CHERP: variants seen among roughly 807,000 people sequenced by gnomAD.
The protein encoded by CHERP is calcium homeostasis endoplasmic reticulum protein.
Under a neutral mutation model 113.8 loss-of-function variants are expected in CHERP, and 8 were observed. The observed-to-expected ratio is 0.07, with a 90% CI of 0.04 to 0.13. The LOEUF is 0.13. CHERP is among the 10% of genes least tolerant of loss of function. The pLI is 1.00. For missense variants in CHERP, 884 were observed against 1,298.2 expected, an observed-to-expected ratio of 0.68 and a Z score of 4.90; for synonymous variants, 559 against 524.5, an observed-to-expected ratio of 1.07 and a Z score of -0.90.
Position 16,525,492 on chromosome 19 carries a change from G to A in CHERP, c.1491C>T (p.Asn497=), listed in dbSNP as rs1299722271. The change falls in exon 10 of 17, where the codon AAC becomes AAT. Residue 497 remains asparagine (N), a synonymous_variant. Coordinates refer to ENST00000546361, the MANE Select transcript of CHERP (RefSeq NM_006387.6). This position sits in a 1 kb window ranked among gnomAD's most constrained non-coding sequence, Gnocchi z 6.5. ...CCCAGGGCGGCTGCTCGTGCTGGCT[G>A]TTCCAGGGGCCCTCGAACTGGCTGT... The part of the protein sequence containing the change: ...AWNSQFEGPW[N]SQHEQPPWGG... 1.2e-5 allele frequency: 18 copies of A among 1,553,748 alleles called. No individual in the cohort carries two copies. Among genetic ancestry groups the A allele is most frequent in the Non-Finnish European group, 1.5e-5 (17 of 1,150,752 alleles).
intron 12 of CHERP, chr19:16,521,139 C>T (rs1054448911): frequency 1.7e-6 from 1 of 599,258 alleles, no homozygotes; most frequent in Admixed American, 2.8e-5. Context: ...TGCTGTTCCG[C>T]TGAGGTGGTG....
At chr19:16,538,725 G>C (rs1321280375) in intron 2 of CHERP, among the ~76,000 whole-genome samples, 1 of 151,912 alleles carries the variant, frequency 6.6e-6, no homozygotes, top group Non-Finnish European at 1.5e-5. Context: ...ATCTTCCTGG[G>C]CTATAAGCAT....
At chr19:16,529,026 G>T (rs1258586821) in intron 8 of CHERP, among the ~76,000 whole-genome samples, 1 of 152,184 alleles carries the variant, frequency 6.6e-6, no homozygotes, top group African/African-American at 2.4e-5. Flanking sequence ...GTCTTTTTCA[G>T]AAGTGACACT....
chr19:16,537,220 G>GC (rs149620352), intron 2 of CHERP, among the ~76,000 whole-genome samples: 7,617 of 143,820 alleles, frequency 0.053, 267 homozygotes, highest in Middle Eastern at 0.068. Context: ...ACTCAACTCA[G>GC]CCCCCCGGGC....
Position 16,521,595 on chromosome 19 carries a change from C to A in CHERP, c.2040G>T (p.Met680Ile). The change falls in exon 12 of 17, where the codon ATG (methionine) becomes ATT (isoleucine). Residue 680 changes from methionine to isoleucine, a missense_variant. By Grantham distance (10) the Met-to-Ile change is conservative. Around this residue, in one of 8 missense-constraint regions of CHERP, gnomAD observed 464 missense variants for 590.1 expected, o/e 0.79. Transcript: ENST00000546361. Reference protein sequence around the residue: ...DPKDIRLPPPMPPSERLLAAV... With the variant: ...DPKDIRLPPPIPPSERLLAAV... ...CAGCCAGCAGCCTCTCGCTGGGCGGCATGGGGGGTGGGAGGCGGATGTCTT... is the reference window on the plus strand; with the variant it reads ...CAGCCAGCAGCCTCTCGCTGGGCGGAATGGGGGGTGGGAGGCGGATGTCTT... The A allele has an allele frequency of 6.2e-7, 1 of 1,609,394 alleles. No individual in the cohort carries two copies. The highest frequency in any genetic ancestry group is 8.5e-7 in the Non-Finnish European group (1 of 1,178,110).
intron 5 of CHERP, chr19:16,531,964 G>GT (rs201127468): frequency 0.012 from 1,662 of 137,804 alleles, 32 homozygotes; most frequent in African/African-American, 0.042. Flanking sequence ...GGGTTCTATT[G>GT]TTTTTTTTTT....
At chr19:16,540,122 G>A (rs2085768419) in intron 2 of CHERP, 1 of 152,640 alleles carries the variant, frequency 6.6e-6, no homozygotes, top group African/African-American at 2.4e-5. Context: ...AGAGTGCAGT[G>A]GCACGATCTT....
Position 16,535,424 on chromosome 19 carries a change from T to C in CHERP, c.384+28A>G, listed in dbSNP as rs957346350. On this transcript the variant is annotated intron_variant, in intron 3 of 16. Transcript: ENST00000546361. This position sits in a 1 kb window ranked among gnomAD's most constrained non-coding sequence, Gnocchi z 4.3. Reference sequence around the variant, plus strand: ...CAGAGGCACAGGGGAGCTGCTGGTGTCTGGCCGAGGAGGCGGCGGGCCCAT... The same window carrying C: ...CAGAGGCACAGGGGAGCTGCTGGTGCCTGGCCGAGGAGGCGGCGGGCCCAT... 1 of 1,598,636 alleles carries C rather than the reference T, an allele frequency of 6.3e-7. No individual in the cohort carries two copies. Among genetic ancestry groups the C allele is most frequent in the African/African-American group, 1.3e-5 (1 of 74,662 alleles).
chr19:16,521,240 T>TG (rs1421423235), intron 12 of CHERP: 2 of 568,230 alleles, frequency 3.5e-6, no homozygotes, highest in Non-Finnish European at 6.3e-6. Flanking sequence ...GGGTGACCAC[T>TG]GGGAAGGGTG....
At position 16,518,963 on chromosome 19, in the gene CHERP, G is replaced by A; in HGVS notation, c.*196C>T. 1.7e-6 allele frequency: 1 copy of A among 600,702 alleles called. No individual in the cohort carries two copies. The highest frequency in any genetic ancestry group is 2.9e-6 in the Non-Finnish European group (1 of 347,908). 37.2% of individuals were successfully genotyped at this position (600,702 alleles called of 1,614,324 possible). On this transcript the variant is annotated 3_prime_UTR_variant, in exon 17 of 17. Transcript: ENST00000546361. ...GCGCCTCCTGGTGTGGTTTGTGGGTGGCACCCGTGCCCTCCACGCCATGGA... is the reference window on the plus strand; with the variant it reads ...GCGCCTCCTGGTGTGGTTTGTGGGTAGCACCCGTGCCCTCCACGCCATGGA...
chr19:16,534,633 G>A (rs1013320554), intron 3 of CHERP, among the ~76,000 whole-genome samples: 2 of 150,022 alleles, frequency 1.3e-5, no homozygotes, highest in African/African-American at 2.5e-5. Context: ...GCACCACCAC[G>A]CCCAGCTAAT....
Position 16,525,465 on chromosome 19 carries a change from G to T in CHERP, c.1518C>A (p.Gly506=). 6.5e-7 allele frequency: 1 copy of T among 1,549,636 alleles called. No individual in the cohort carries two copies. Among genetic ancestry groups the T allele is most frequent in the South Asian group, 1.2e-5 (1 of 83,994 alleles). Residue 506 remains glycine (G), a synonymous_variant, in exon 10 of 17, where the codon GGC becomes GGA. Transcript: ENST00000546361. The surrounding 1 kb of genome is among the most constrained non-coding windows in gnomAD (Gnocchi z 6.5). ...GGAAGGGTGGCTCGCGCTGGCCCCCGCCCCAGGGCGGCTGCTCGTGCTGGC... is the reference window on the plus strand; with the variant it reads ...GGAAGGGTGGCTCGCGCTGGCCCCCTCCCCAGGGCGGCTGCTCGTGCTGGC... ...WNSQHEQPPW[G]GGQREPPFRM...
chr19:16,537,190 A>G (rs1340437802), intron 2 of CHERP, among the ~76,000 whole-genome samples: 1 of 101,448 alleles, frequency 9.9e-6, no homozygotes, highest in Non-Finnish European at 2.2e-5. Flanking sequence ...TCCTTCCCCC[A>G]GGCAGCTGAG....
chr19:16,521,174 G>T, intron 12 of CHERP: 1 of 585,188 alleles, frequency 1.7e-6, no homozygotes, highest in Non-Finnish European at 3.1e-6. Context: ...GTGGAACTGG[G>T]AAACAGGAAC....
chr19:16,532,282 G>A lies in CHERP; in HGVS notation c.674+316C>T, dbSNP rs536741381. 2.5e-4 allele frequency: 76 copies of A among 300,462 alleles called. No homozygotes were observed. The highest frequency in any genetic ancestry group is 2.9e-4 in the Non-Finnish European group (46 of 159,636). The allele number at this position is 300,462 out of a possible 1,614,324, so 18.6% of individuals were successfully genotyped here. Reference sequence around the variant, plus strand: ...GTGGCTGAGAAGGCAACAAGGAGACGCCAAGAAGCTGCCCCATGAGAGGAA... The same window carrying A: ...GTGGCTGAGAAGGCAACAAGGAGACACCAAGAAGCTGCCCCATGAGAGGAA... On this transcript the variant is annotated intron_variant, in intron 5 of 16. Coordinates refer to ENST00000546361, the MANE Select transcript of CHERP (RefSeq NM_006387.6). The surrounding 1 kb of genome is among the most constrained non-coding windows in gnomAD (Gnocchi z 4.4).
chr19:16,520,388 C>G lies in CHERP; in HGVS notation c.2321G>C (p.Arg774Pro). 6.2e-7 allele frequency: 1 copy of G among 1,614,028 alleles called. No individual in the cohort carries two copies. The change falls in exon 14 of 17, where the codon CGT becomes CCT. Residue 774 changes from arginine (R) to proline (P), a missense_variant. By Grantham distance (103) the Arg-to-Pro change is moderately radical. Around this residue, in one of 8 missense-constraint regions of CHERP, gnomAD observed 159 missense variants for 185.8 expected, o/e 0.86. Coordinates refer to ENST00000546361, the MANE Select transcript of CHERP (RefSeq NM_006387.6). The surrounding 1 kb of genome is among the most constrained non-coding windows in gnomAD (Gnocchi z 4.0). ...CCTAGATCTGGAGCGGGAGTAGGAA[C>G]GGGAGCAGGAGCGCGACCTTGACCT... Reference protein sequence around the residue: ...YSRSRSRSCSRSYSRSRSRSR... With the variant: ...YSRSRSRSCSPSYSRSRSRSR...
At chr19:16,540,899 T>C (rs753131449) in intron 2 of CHERP, among the ~76,000 whole-genome samples, 1 of 152,018 alleles carries the variant, frequency 6.6e-6, no homozygotes, top group Non-Finnish European at 1.5e-5. Context: ...GGTTTCACTA[T>C]GTTGGCCAGG....
At position 16,525,821 on chromosome 19, in the gene CHERP, C is replaced by CGTAGGATG; in HGVS notation, c.1306-145_1306-144insCATCCTAC. 1.4e-6 allele frequency: 1 copy of CGTAGGATG among 701,524 alleles called. No homozygotes were observed. The highest frequency in any genetic ancestry group is 3.2e-5 in the East Asian group (1 of 31,042). 43.5% of individuals were successfully genotyped at this position (701,524 alleles called of 1,614,324 possible). A position where few individuals can be genotyped will look rare whatever the true frequency, so the allele number is the denominator to read the frequency against. On this transcript the variant is annotated intron_variant, in intron 9 of 16. Transcript: ENST00000546361. This position sits in a 1 kb window ranked among gnomAD's most constrained non-coding sequence, Gnocchi z 6.5. ...CGTTGAGGCGCCTCCTACGCTGACG[C>CGTAGGATG]CTGCGAGGATGCTGGGCACCTGCTC...
At chr19:16,540,040 T>C (rs2085767797) in intron 2 of CHERP, 2 of 152,110 alleles carry the variant, frequency 1.3e-5, no homozygotes, top group African/African-American at 4.8e-5. Context: ...CCCTTTGCAA[T>C]GTTCTACTCT....
Sources: gnomAD v4.1 joint callset for allele counts (sites outside exome capture counted in the v4.1 genomes callset) on GRCh38, gnomAD v4.1.1 for gene constraint, gnomAD v4.1.1 regional missense constraint, Gnocchi (gnomAD v3.1) non-coding constraint, MANE v1.5 for transcripts, NCBI Gene and HGNC (gene_info 2026-07-23, HGNC 2026-07-21) for gene names.